ONECUT2: variants seen among roughly 807,000 people sequenced by gnomAD.
ONECUT2 encodes one cut domain family member 2.
ONECUT2 carries 10 observed loss-of-function variants against 27.9 expected under a neutral mutation model. The ratio of observed to expected loss-of-function variants is 0.36; its 90% CI spans 0.22 to 0.61. The LOEUF is 0.61. Among genes scored for constraint, ONECUT2 ranks in the 20% least tolerant of loss-of-function variants. ONECUT2 has a pLI of 0.73. For missense variants in ONECUT2, 686 were observed against 721.0 expected (o/e 0.95, Z 0.56); for synonymous variants, 334 against 315.1 (o/e 1.06, Z -0.64).
At position 57,478,602 on chromosome 18, in the gene ONECUT2, G is replaced by A. The variant is rs1568126084; in HGVS notation, c.*1879G>A. The A allele has an allele frequency of 6.6e-6, 1 of 152,648 alleles. No individual in the cohort carries two copies. The highest frequency in any genetic ancestry group is 1.5e-5 in the Non-Finnish European group (1 of 68,038). The allele number at this position is 152,648 out of a possible 1,614,324, so 9.5% of individuals were successfully genotyped here. A position where few individuals can be genotyped will look rare whatever the true frequency, so the allele number is the denominator to read the frequency against. On this transcript the variant is annotated 3_prime_UTR_variant, in exon 2 of 2. Transcript: ENST00000491143. ...AAGCAGATTTTAAAGAAAGGGTTGA[G>A]ACAAAGATAGAAATAAGGAAGAGCC... is the stretch of plus-strand genomic sequence containing the variant.
chr18:57,464,304 TC>T (rs1373948887), intron 1 of ONECUT2, among the ~76,000 whole-genome samples: 3 of 152,174 alleles, frequency 2.0e-5, no homozygotes, highest in Non-Finnish European at 4.4e-5. Context: ...TTATAAATTT[TC>T]TTTCTAAATT....
chr18:57,441,780 C>T (rs1423618300), intron 1 of ONECUT2, among the ~76,000 whole-genome samples: 1 of 152,264 alleles, frequency 6.6e-6, no homozygotes, highest in African/African-American at 2.4e-5. Flanking sequence ...AAAAGGCTCA[C>T]GCGCAGACTT....
rs557160843 is a variant in ONECUT2, at chr18:57,454,483, G to A, written c.1228+17539G>A. Reference sequence around the variant, plus strand: ...TGTCAGGCAGGGGACGACTCTTGAAGAGCCTCAGTTCCCTCCTCTGTAGGA... The same window carrying A: ...TGTCAGGCAGGGGACGACTCTTGAAAAGCCTCAGTTCCCTCCTCTGTAGGA... On this transcript the variant is annotated intron_variant, in intron 1 of 1. Transcript: ENST00000491143. Among the ~76,000 whole-genome samples the A allele has an allele frequency of 6.6e-5, 10 of 152,246 alleles. No homozygotes were observed. The South Asian group carries it at 1.2e-3, about 19-fold the overall frequency.
At chr18:57,448,159 G>C (rs1412891801) in intron 1 of ONECUT2, among the ~76,000 whole-genome samples, 1 of 152,174 alleles carries the variant, frequency 6.6e-6, no homozygotes, top group African/African-American at 2.4e-5. Flanking sequence ...CGAGTAAAAT[G>C]GTCCTTGACT....
chr18:57,444,283 A>G (rs2050190445), intron 1 of ONECUT2: 3 of 450,160 alleles, frequency 6.7e-6, no homozygotes, highest in Non-Finnish European at 9.0e-6. Context: ...AACTAGGTTG[A>G]CTGGCTCACC....
chr18:57,447,370 C>A (rs774155938), intron 1 of ONECUT2, among the ~76,000 whole-genome samples: 3 of 152,246 alleles, frequency 2.0e-5, no homozygotes, highest in Admixed American at 2.0e-4. Flanking sequence ...AAGAGCCTGA[C>A]CAGTATCTCC....
intron 1 of ONECUT2, among the ~76,000 whole-genome samples, chr18:57,447,689 AC>A (rs1385314552): frequency 6.6e-6 from 1 of 151,440 alleles, no homozygotes; most frequent in African/African-American, 2.4e-5. Context: ...CCCACGCCCC[AC>A]CCCCCAGGTA....
Position 57,435,672 on chromosome 18 carries a change from G to GGCCGCCCCC in ONECUT2, c.-25_-17dup, listed in dbSNP as rs760571982. Reference sequence around the variant, plus strand: ...GCCACGCGCGCCTTGCCCGCCCGCCGGCCGCCCCCGCCGCCCCCGCCGCCC... The same window carrying GGCCGCCCCC: ...GCCACGCGCGCCTTGCCCGCCCGCCGGCCGCCCCCGCCGCCCCCGCCGCCCCCGCCGCCC... On this transcript the variant is annotated 5_prime_UTR_variant, in exon 1 of 2. Transcript: ENST00000491143. 1.1e-3 allele frequency: 753 copies of GGCCGCCCCC among 708,414 alleles called. 2 individuals carry two copies. Among genetic ancestry groups the GGCCGCCCCC allele is most frequent in the African/African-American group, 0.01 (520 of 49,878 alleles). The allele number at this position is 708,414 out of a possible 1,614,324, so 43.9% of individuals were successfully genotyped here.
chr18:57,447,837 C>T (rs1385506147), intron 1 of ONECUT2, among the ~76,000 whole-genome samples: 1 of 152,206 alleles, frequency 6.6e-6, no homozygotes. Flanking sequence ...AGCATCACCA[C>T]CTTCGATAAA....
At position 57,436,850 on chromosome 18, in the gene ONECUT2, G is replaced by C; in HGVS notation, c.1134G>C (p.Trp378Cys). Residue 378 changes from tryptophan to cysteine, a missense_variant, in exon 1 of 2, where the codon TGG becomes TGC. Coordinates refer to ENST00000491143, the MANE Select transcript of ONECUT2 (RefSeq NM_004852.3). This position sits in a 1 kb window ranked among gnomAD's most constrained non-coding sequence, Gnocchi z 5.9. ...ACCTGCTCCGGAATCCAAAACCGTG[G>C]AGTAAACTCAAATCTGGCAGGGAGA... Reference protein sequence around the residue: ...LSDLLRNPKPWSKLKSGRETF... With the variant: ...LSDLLRNPKPCSKLKSGRETF... 1 of 1,613,968 alleles carries C rather than the reference G, an allele frequency of 6.2e-7. No individual in the cohort carries two copies. The highest frequency in any genetic ancestry group is 8.5e-7 in the Non-Finnish European group (1 of 1,180,050).
At chr18:57,444,439 G>A (rs1024882117) in intron 1 of ONECUT2, 3 of 456,618 alleles carry the variant, frequency 6.6e-6, no homozygotes, top group Admixed American at 2.3e-5. Context: ...TGGGTAGCAA[G>A]CCTTTCCTTT....
intron 1 of ONECUT2, among the ~76,000 whole-genome samples, chr18:57,439,007 T>C (rs1246890856): frequency 6.6e-6 from 1 of 151,964 alleles, no homozygotes; most frequent in East Asian, 1.9e-4. Context: ...GTCTTAGGGG[T>C]ACAGTTAAAG....
In ONECUT2 at chr18:57,480,542, C is replaced by A; in HGVS notation, c.*3819C>A. ...ACATTACAACATTGGTCAAACCAGTCCTCTGATAATCAGAAGAACATGTCA... is the reference window on the plus strand; with the variant it reads ...ACATTACAACATTGGTCAAACCAGTACTCTGATAATCAGAAGAACATGTCA... On this transcript the variant is annotated 3_prime_UTR_variant, in exon 2 of 2. Transcript: ENST00000491143. 6.6e-6 allele frequency: 1 copy of A among 150,814 alleles called. No individual in the cohort carries two copies. 9.3% of individuals were successfully genotyped at this position (150,814 alleles called of 1,614,324 possible). A position where few individuals can be genotyped will look rare whatever the true frequency, so the allele number is the denominator to read the frequency against.
rs1453202833 is a variant in ONECUT2, at chr18:57,436,468, CGCCGGGCCACGACAAAAT to C, written c.755_772del (p.Pro252_Met257del). 6.2e-6 allele frequency: 10 copies of C among 1,613,044 alleles called. No individual in the cohort carries two copies. The highest frequency in any genetic ancestry group is 8.5e-6 in the Non-Finnish European group (10 of 1,179,828). On this transcript the variant is annotated inframe_deletion, in exon 1 of 2. Transcript: ENST00000491143. This position sits in a 1 kb window ranked among gnomAD's most constrained non-coding sequence, Gnocchi z 5.9. ...CAGCAGAGTCTGCCCAACTACGGTC[CGCCGGGCCACGACAAAAT>C]GCTCAGCCCCAACTTCGACGCGCAC... is the stretch of plus-strand genomic sequence containing the variant.
At chr18:57,454,248 G>A (rs948283704) in intron 1 of ONECUT2, among the ~76,000 whole-genome samples, 7 of 152,166 alleles carry the variant, frequency 4.6e-5, no homozygotes, top group Non-Finnish European at 1.0e-4. Context: ...AGAATAACTG[G>A]TAAATAGTAA....
chr18:57,479,989 G>C lies in ONECUT2; in HGVS notation c.*3266G>C, dbSNP rs2050407584. ...TATGTGCAACCACAGCTGGCACTGG[G>C]GTGGGCAGTGGTGTTGGGTGGGATG... On this transcript the variant is annotated 3_prime_UTR_variant, in exon 2 of 2. Transcript: ENST00000491143. 6.6e-6 allele frequency: 1 copy of C among 152,326 alleles called. No individual in the cohort carries two copies. The highest frequency in any genetic ancestry group is 1.5e-5 in the Non-Finnish European group (1 of 68,122). 9.4% of individuals were successfully genotyped at this position (152,326 alleles called of 1,614,324 possible). A position where few individuals can be genotyped will look rare whatever the true frequency, so the allele number is the denominator to read the frequency against.
chr18:57,447,374 T>C (rs896691917), intron 1 of ONECUT2, among the ~76,000 whole-genome samples: 4 of 152,222 alleles, frequency 2.6e-5, no homozygotes, highest in African/African-American at 9.6e-5. Flanking sequence ...GCCTGACCAG[T>C]ATCTCCAGCT....
At position 57,436,344 on chromosome 18, in the gene ONECUT2, C is replaced by T. The variant is rs1289040466; in HGVS notation, c.628C>T (p.Leu210Phe). 4 of 1,605,834 alleles carry T rather than the reference C, an allele frequency of 2.5e-6. No homozygotes were observed. The highest frequency in any genetic ancestry group is 2.5e-6 in the Non-Finnish European group (3 of 1,179,848). The change falls in exon 1 of 2, where the codon CTC becomes TTC. Residue 210 changes from leucine to phenylalanine, a missense_variant. Leu to Phe is a conservative substitution (Grantham distance 22, BLOSUM62 0). Coordinates refer to ENST00000491143, the MANE Select transcript of ONECUT2 (RefSeq NM_004852.3). This position sits in a 1 kb window ranked among gnomAD's most constrained non-coding sequence, Gnocchi z 5.9. ...GCGCGGGCTCCCGGCCATGAACAACCTCTACAGTCCCTACAAGGAGATGCC... is the reference window on the plus strand; with the variant it reads ...GCGCGGGCTCCCGGCCATGAACAACTTCTACAGTCCCTACAAGGAGATGCC... ...DERGLPAMNN[L>F]YSPYKEMPGM...
intron 1 of ONECUT2, among the ~76,000 whole-genome samples, chr18:57,437,852 A>C (rs961345453): frequency 3.9e-5 from 6 of 152,238 alleles, no homozygotes; most frequent in Non-Finnish European, 4.4e-5. Context: ...GAAATTAAAA[A>C]TTCAGGTTAG....
Sources: gnomAD v4.1 joint callset for allele counts (sites outside exome capture counted in the v4.1 genomes callset) on GRCh38, gnomAD v4.1.1 for gene constraint, Gnocchi (gnomAD v3.1) non-coding constraint, MANE v1.5 for transcripts, NCBI Gene and HGNC (gene_info 2026-07-23, HGNC 2026-07-21) for gene names.